The following LYPD6B variants were observed in gnomAD, a reference collection of about 807,000 sequenced individuals.
LYPD6B encodes LY6/PLAUR domain containing 6B, also known as ly6/PLAUR domain-containing protein 6B.
A neutral mutation model predicts 22.8 loss-of-function variants in LYPD6B; 17 were observed. The ratio of observed to expected loss-of-function variants is 0.75; its 90% CI spans 0.51 to 1.12. The LOEUF is 1.12. Ranked by LOEUF, LYPD6B falls within the 50% of genes most tolerant of loss-of-function variation. The probability of loss-of-function intolerance (pLI) is 0.00; values close to 1 mark genes in which losing one functional copy is unlikely to be tolerated. For synonymous variants in LYPD6B, 106 were observed against 91.6 expected (o/e 1.16, Z -0.90); for missense variants, 221 against 258.3 (o/e 0.86, Z 0.99).
intron 1 of LYPD6B, among the ~76,000 whole-genome samples, chr2:149,094,139 T>C (rs1685795707): frequency 6.6e-6 from 1 of 152,236 alleles, no homozygotes; most frequent in Non-Finnish European, 1.5e-5. Context: ...TTTTTGGTAC[T>C]GGTTTAATTA....
At chr2:149,057,795 C>T (rs894947669) in intron 1 of LYPD6B, among the ~76,000 whole-genome samples, 5 of 152,128 alleles carry the variant, frequency 3.3e-5, no homozygotes, top group Non-Finnish European at 2.9e-5. Flanking sequence ...AGTTGCAGGT[C>T]ATCGCAAGCC....
chr2:149,135,635 G>A (rs776008306), intron 2 of LYPD6B, among the ~76,000 whole-genome samples: 9 of 142,482 alleles, frequency 6.3e-5, no homozygotes, highest in East Asian at 2.1e-4. Flanking sequence ...CAGGAGAATC[G>A]CTTGAACCTG....
chr2:149,099,967 C>T (rs1050603810), intron 1 of LYPD6B, among the ~76,000 whole-genome samples: 10 of 152,200 alleles, frequency 6.6e-5, no homozygotes, highest in Non-Finnish European at 1.3e-4. Flanking sequence ...TGAGGGGTCT[C>T]ATCATTGTTT....
chr2:149,175,999 T>C (rs1232647249), intron 3 of LYPD6B, among the ~76,000 whole-genome samples: 1 of 152,224 alleles, frequency 6.6e-6, no homozygotes, highest in East Asian at 1.9e-4. Flanking sequence ...AAAATAATAA[T>C]AAAATATAGT....
In LYPD6B at chr2:149,195,195, C is replaced by A. The variant is rs549608080; in HGVS notation, c.78-10058C>A. Among the ~76,000 whole-genome samples the A allele has an allele frequency of 1.9e-3, 290 of 152,342 alleles. 2 individuals are homozygous for A. The highest frequency in any genetic ancestry group is 2.1e-3 in the Non-Finnish European group (145 of 68,034). On this transcript the variant is annotated intron_variant, in intron 3 of 6. Transcript: ENST00000409642. Reference sequence around the variant, plus strand: ...TAGAGACCTTCAGCCCATCTCCAAACATAGACTGGGCCTTCTCTGCCCAAC... The same window carrying A: ...TAGAGACCTTCAGCCCATCTCCAAAAATAGACTGGGCCTTCTCTGCCCAAC...
chr2:149,094,162 A>G (rs879829451), intron 1 of LYPD6B, among the ~76,000 whole-genome samples: 10 of 152,244 alleles, frequency 6.6e-5, no homozygotes, highest in Non-Finnish European at 1.3e-4. Context: ...TTTGGTCCCT[A>G]TGTATGAATG....
At chr2:149,123,440 G>A (rs1457584985) in intron 1 of LYPD6B, among the ~76,000 whole-genome samples, 2 of 152,048 alleles carry the variant, frequency 1.3e-5, no homozygotes, top group East Asian at 1.9e-4. Flanking sequence ...TTCAAGGGAA[G>A]ATCTTTAAAA....
In LYPD6B at chr2:149,060,348, G is replaced by A. The variant is rs756379347; in HGVS notation, c.-67+21547G>A. ...ATAAAAATCCTATCTGTCTTGTAGG[G>A]TTGTTATGAGCAATAACTAAGTAAA... On this transcript the variant is annotated intron_variant, in intron 1 of 6. Transcript: ENST00000409642. Among the ~76,000 whole-genome samples the A allele has an allele frequency of 4.6e-5, 7 of 152,248 alleles. No homozygotes were observed. The South Asian group carries it at 8.3e-4, about 18-fold the overall frequency.
At chr2:149,178,623 T>C (rs899208493) in intron 3 of LYPD6B, among the ~76,000 whole-genome samples, 2 of 152,240 alleles carry the variant, frequency 1.3e-5, no homozygotes, top group Admixed American at 6.5e-5. Context: ...GAAATTTTGT[T>C]TTCCGTTAAA....
At chr2:149,181,307 G>A (rs1053627231) in intron 3 of LYPD6B, among the ~76,000 whole-genome samples, 21 of 152,084 alleles carry the variant, frequency 1.4e-4, no homozygotes, top group African/African-American at 4.3e-4. Flanking sequence ...GGTTTTAAGC[G>A]AACCAACCTA....
chr2:149,058,188 G>A (rs976434301), intron 1 of LYPD6B, among the ~76,000 whole-genome samples: 1 of 152,188 alleles, frequency 6.6e-6, no homozygotes, highest in Admixed American at 6.5e-5. Flanking sequence ...GACTAAATGC[G>A]TGATTTTCCA....
At chr2:149,214,067 A>G (rs1333299044) in intron 6 of LYPD6B, among the ~76,000 whole-genome samples, 1 of 152,220 alleles carries the variant, frequency 6.6e-6, no homozygotes, top group East Asian at 1.9e-4. Flanking sequence ...CCACTCAGCA[A>G]CCATAATTAG....
intron 1 of LYPD6B, among the ~76,000 whole-genome samples, chr2:149,072,316 G>C (rs567123128): frequency 6.6e-6 from 1 of 151,598 alleles, no homozygotes; most frequent in East Asian, 1.9e-4. Flanking sequence ...ACAGGAATGG[G>C]AGAATGCTAG....
rs1286830908 is a variant in LYPD6B, at chr2:149,152,760, A to G, written c.6-8004A>G. Among the ~76,000 whole-genome samples the G allele has an allele frequency of 6.6e-5, 10 of 152,210 alleles. 1 individual carries two copies. The highest frequency in any genetic ancestry group is 1.5e-4 in the Non-Finnish European group (10 of 68,048). ...ATTATAATGAAGCTAGAGTTTCTTCAGAGGTTGAGTAAGCTGCCTAAGAAG... is the reference window on the plus strand; with the variant it reads ...ATTATAATGAAGCTAGAGTTTCTTCGGAGGTTGAGTAAGCTGCCTAAGAAG... On this transcript the variant is annotated intron_variant, in intron 2 of 6. Transcript: ENST00000409642.
chr2:149,175,723 T>C (rs1011730757), intron 3 of LYPD6B, among the ~76,000 whole-genome samples: 1 of 150,788 alleles, frequency 6.6e-6, no homozygotes, highest in Non-Finnish European at 1.5e-5. Context: ...TTTTAATTTT[T>C]TTTTTTTTTT....
chr2:149,116,796 T>C (rs960334050), intron 1 of LYPD6B, among the ~76,000 whole-genome samples: 2 of 152,238 alleles, frequency 1.3e-5, no homozygotes, highest in Admixed American at 1.3e-4. Flanking sequence ...TGATTTCATG[T>C]GGCAAAATCT....
At chr2:149,175,285 A>G (rs1263244901) in intron 3 of LYPD6B, among the ~76,000 whole-genome samples, 1 of 152,160 alleles carries the variant, frequency 6.6e-6, no homozygotes, top group Non-Finnish European at 1.5e-5. Flanking sequence ...ATACTGTGGG[A>G]AGCTGTAACA....
At chr2:149,210,586 T>A (rs1693782956) in intron 5 of LYPD6B, among the ~76,000 whole-genome samples, 1 of 152,220 alleles carries the variant, frequency 6.6e-6, no homozygotes, top group Non-Finnish European at 1.5e-5. Context: ...CAGATTTCCT[T>A]TTTACTTTAC....
chr2:149,209,029 T>C (rs1285093017), intron 5 of LYPD6B, among the ~76,000 whole-genome samples: 2 of 151,920 alleles, frequency 1.3e-5, no homozygotes, highest in Admixed American at 1.3e-4. Flanking sequence ...TTTTCAAGGG[T>C]GATAGTTGGC....
Sources: gnomAD v4.1 joint callset for allele counts (sites outside exome capture counted in the v4.1 genomes callset) on GRCh38, gnomAD v4.1.1 for gene constraint, MANE v1.5 for transcripts, NCBI Gene and HGNC (gene_info 2026-07-23, HGNC 2026-07-21) for gene names.